The following IPO11 variants were observed in gnomAD, a reference collection of about 807,000 sequenced individuals.
The protein encoded by IPO11 is importin 11, also known as importin-11.
A neutral mutation model predicts 143.2 loss-of-function variants in IPO11; 66 were observed. That is an observed-to-expected ratio of 0.46 (90% CI 0.38 to 0.57). The LOEUF is 0.57. Ranked by LOEUF, IPO11 falls within the 20% of genes least tolerant of loss-of-function variation. The pLI, the probability that IPO11 is intolerant of heterozygous loss-of-function variation, is 0.00. For missense variants in IPO11, 1,026 were observed against 1,141.0 expected (o/e 0.90, Z 1.45); for synonymous variants, 385 against 377.8 (o/e 1.02, Z -0.22).
chr5:62,483,093 T>A lies in IPO11; in HGVS notation c.829-8T>A, dbSNP rs372627658. 5 of 1,516,482 alleles carry A rather than the reference T, an allele frequency of 3.3e-6. No individual in the cohort carries two copies. The African/African-American group carries it at 5.6e-5, about 17-fold the overall frequency. 93.9% of individuals were successfully genotyped at this position (1,516,482 alleles called of 1,614,324 possible). On this transcript the variant is annotated splice_polypyrimidine_tract_variant and splice_region_variant and intron_variant, in intron 9 of 29. Coordinates refer to ENST00000325324, the MANE Select transcript of IPO11 (RefSeq NM_016338.5). ...CATTTTAATTTTTATTTATTTATTTTTCTACAGCTTTTGGACTTCTTGGAT... is the reference window on the plus strand; with the variant it reads ...CATTTTAATTTTTATTTATTTATTTATCTACAGCTTTTGGACTTCTTGGAT...
chr5:62,622,981 T>C (rs1179148349), intron 29 of IPO11, among the ~76,000 whole-genome samples: 1 of 152,226 alleles, frequency 6.6e-6, no homozygotes, highest in Non-Finnish European at 1.5e-5. Context: ...GAGCTTGTAT[T>C]GCTGCGCCCT....
chr5:62,599,299 T>G (rs111583164), intron 28 of IPO11, among the ~76,000 whole-genome samples: 105 of 152,356 alleles, frequency 6.9e-4, no homozygotes, highest in Non-Finnish European at 1.3e-3. Context: ...AGAGTGGAAC[T>G]AAGCTTTTTT....
chr5:62,525,686 TA>T lies in IPO11; in HGVS notation c.1897-452del, dbSNP rs781311271. On this transcript the variant is annotated intron_variant, in intron 20 of 29. Coordinates refer to ENST00000325324, the MANE Select transcript of IPO11 (RefSeq NM_016338.5). ...GGCATGAGCCATGGCATTCAGCCCCTAAAATCTTTTTTAATGGCTTTTCAAT... is the reference window on the plus strand; with the variant it reads ...GGCATGAGCCATGGCATTCAGCCCCTAAATCTTTTTTAATGGCTTTTCAAT... Among the ~76,000 whole-genome samples the T allele has an allele frequency of 8.9e-4, 136 of 152,216 alleles. 2 individuals are homozygous for T. The highest frequency in any genetic ancestry group is 9.4e-4 in the Non-Finnish European group (64 of 68,038).
At chr5:62,625,821 C>T (rs1286218672) in intron 29 of IPO11, among the ~76,000 whole-genome samples, 1 of 152,172 alleles carries the variant, frequency 6.6e-6, no homozygotes, top group Non-Finnish European at 1.5e-5. Context: ...GATGAGATGT[C>T]AGTTGTAGAG....
In IPO11 at chr5:62,551,347, A is replaced by T; in HGVS notation, c.2460+11A>T. The T allele has an allele frequency of 7.8e-7, 1 of 1,278,680 alleles. No homozygotes were observed. The allele number at this position is 1,278,680 out of a possible 1,614,324, so 79.2% of individuals were successfully genotyped here. ...AAATTTAATCAGGAGGTAAGAATCA[A>T]TATACTTAAATTTAAGGAAGTCTTT... On this transcript the variant is annotated intron_variant, in intron 26 of 29. Coordinates refer to ENST00000325324, the MANE Select transcript of IPO11 (RefSeq NM_016338.5).
chr5:62,495,185 A>G (rs983541594), intron 16 of IPO11, among the ~76,000 whole-genome samples: 1 of 152,256 alleles, frequency 6.6e-6, no homozygotes, highest in Admixed American at 6.5e-5. Flanking sequence ...ATTAAATACT[A>G]TAAGCATGGG....
intron 20 of IPO11, among the ~76,000 whole-genome samples, chr5:62,517,461 G>C (rs1490899483): frequency 6.6e-6 from 1 of 152,156 alleles, no homozygotes; most frequent in Admixed American, 6.5e-5. Context: ...GGCGTGCAAT[G>C]GTGCGATCTT....
At chr5:62,625,673 A>T (rs181151568) in intron 29 of IPO11, among the ~76,000 whole-genome samples, 343 of 152,394 alleles carry the variant, frequency 2.3e-3, no homozygotes, top group African/African-American at 7.9e-3. Context: ...TCTAGTTGTG[A>T]TGAAGTCATT....
rs954391136 is a variant in IPO11, at chr5:62,579,696, T to C, written c.2583-11881T>C. ...GTGAATTAACAGGACTTCATTCTCT[T>C]GTAGCATTGTATTTGGATAATTCTA... On this transcript the variant is annotated intron_variant, in intron 27 of 29. Transcript: ENST00000325324. 4 of 1,548,546 alleles carry C rather than the reference T, an allele frequency of 2.6e-6. No individual in the cohort carries two copies. In the African/African-American group the frequency reaches 5.5e-5, roughly 21 times the overall value.
At chr5:62,532,463 T>G (rs544141980) in intron 22 of IPO11, among the ~76,000 whole-genome samples, 1 of 152,086 alleles carries the variant, frequency 6.6e-6, no homozygotes, top group African/African-American at 2.4e-5. Context: ...GTTCAAGCAA[T>G]TCTTCTGCCT....
intron 24 of IPO11, among the ~76,000 whole-genome samples, chr5:62,545,693 A>G (rs1173431561): frequency 6.6e-6 from 1 of 152,232 alleles, no homozygotes; most frequent in African/African-American, 2.4e-5. Context: ...AATCTTTGCA[A>G]CCTACTCATC....
At chr5:62,480,116 A>G (rs1042627617) in intron 9 of IPO11, among the ~76,000 whole-genome samples, 1 of 152,252 alleles carries the variant, frequency 6.6e-6, no homozygotes, top group Non-Finnish European at 1.5e-5. Context: ...TAATTTTTGT[A>G]TAAGGTGTAA....
intron 22 of IPO11, among the ~76,000 whole-genome samples, chr5:62,531,960 G>A (rs1169589541): frequency 6.6e-6 from 1 of 152,140 alleles, no homozygotes; most frequent in Non-Finnish European, 1.5e-5. Context: ...GTTCTTTGGT[G>A]AAGGCCTTTT....
At chr5:62,429,883 G>A (rs1484453508) in intron 1 of IPO11, among the ~76,000 whole-genome samples, 22 of 151,736 alleles carry the variant, frequency 1.4e-4, no homozygotes, top group African/African-American at 4.4e-4. Flanking sequence ...TCAGCCTCCC[G>A]AAGTACTGGG....
intron 5 of IPO11, among the ~76,000 whole-genome samples, chr5:62,466,771 G>T (rs965248198): frequency 1.3e-5 from 2 of 152,338 alleles, no homozygotes; most frequent in South Asian, 2.1e-4. Context: ...CATACTCAGT[G>T]ACAGTCCATA....
intron 7 of IPO11, among the ~76,000 whole-genome samples, 188 bp from the exon 8 acceptor site, chr5:62,474,228 T>C (rs757293970): frequency 4.6e-5 from 7 of 152,210 alleles, no homozygotes; most frequent in Non-Finnish European, 8.8e-5. Context: ...TGAAATACTA[T>C]AGTTATTTTC....
chr5:62,627,441 A>G lies in IPO11; in HGVS notation c.*123A>G, dbSNP rs1214795561. On this transcript the variant is annotated 3_prime_UTR_variant, in exon 30 of 30. Transcript: ENST00000325324. ...TCATGAAAATAAGCAAAGACCACAC[A>G]TTTTTTACTACAAAATGTAAAGGAT... 4.3e-5 allele frequency: 36 copies of G among 843,648 alleles called. No homozygotes were observed. The East Asian group carries it at 9.1e-4, about 21-fold the overall frequency. 52.3% of individuals were successfully genotyped at this position (843,648 alleles called of 1,614,324 possible).
chr5:62,472,508 C>T (rs1453244707), intron 7 of IPO11, among the ~76,000 whole-genome samples: 3 of 150,124 alleles, frequency 2.0e-5, no homozygotes, highest in East Asian at 2.0e-4. Flanking sequence ...TTAAAGACAA[C>T]ATTTCAAATA....
intron 15 of IPO11, among the ~76,000 whole-genome samples, chr5:62,491,814 C>T (rs187728174): frequency 2.4e-4 from 36 of 151,796 alleles, no homozygotes; most frequent in Non-Finnish European, 4.4e-4. Flanking sequence ...TACAGGTGCC[C>T]GCCACCATGC....
Sources: gnomAD v4.1 joint callset for allele counts (sites outside exome capture counted in the v4.1 genomes callset) on GRCh38, gnomAD v4.1.1 for gene constraint, MANE v1.5 for transcripts, NCBI Gene and HGNC (gene_info 2026-07-23, HGNC 2026-07-21) for gene names.